Variants in DPP6 observed in about 807,000 individuals in gnomAD.
The protein encoded by DPP6 is dipeptidyl peptidase like 6.
A neutral mutation model predicts 122.6 loss-of-function variants in DPP6; 69 were observed. The observed-to-expected ratio is 0.56, with a 90% CI of 0.46 to 0.69. The LOEUF is 0.69. Among genes scored for constraint, DPP6 ranks in the 30% least tolerant of loss-of-function variants. The pLI is 0.00. For missense variants in DPP6, 928 were observed against 1,116.9 expected (o/e 0.83, Z 2.41); for synonymous variants, 418 against 433.1 (o/e 0.97, Z 0.43).
At chr7:154,045,201 T>TA (rs11381417) in intron 1 of DPP6, among the ~76,000 whole-genome samples, 113,645 of 141,306 alleles carry the variant, frequency 0.8, 44,696 homozygotes, top group East Asian at 0.91. Flanking sequence ...TTAGAAAAGA[T>TA]AAAAAAAAAA....
At chr7:154,619,758 A>T (rs1324904193) in intron 5 of DPP6, among the ~76,000 whole-genome samples, 1 of 152,242 alleles carries the variant, frequency 6.6e-6, no homozygotes, top group Non-Finnish European at 1.5e-5. Context: ...TATACTTAGA[A>T]GTGCGGGTTG....
At chr7:153,962,004 G>T (rs545706522) in intron 1 of DPP6, among the ~76,000 whole-genome samples, 53 of 148,728 alleles carry the variant, frequency 3.6e-4, no homozygotes, top group African/African-American at 1.3e-3. Flanking sequence ...TGGCTGATTT[G>T]TTTACTGTGG....
chr7:154,763,975 G>A (rs1234529442), intron 8 of DPP6, among the ~76,000 whole-genome samples: 1 of 98,530 alleles, frequency 1.0e-5, no homozygotes, highest in Non-Finnish European at 2.4e-5. Context: ...CACTCACCTT[G>A]CACAGACCTG....
intron 3 of DPP6, among the ~76,000 whole-genome samples, chr7:154,488,284 C>T (rs996084779): frequency 5.3e-5 from 8 of 152,032 alleles, no homozygotes; most frequent in South Asian, 4.2e-4. Context: ...GTCAGGAGAT[C>T]GAGACCATCC....
At chr7:154,637,224 T>G (rs560317703) in intron 5 of DPP6, among the ~76,000 whole-genome samples, 1 of 152,304 alleles carries the variant, frequency 6.6e-6, no homozygotes, top group African/African-American at 2.4e-5. Flanking sequence ...TTTTTCTGGT[T>G]TTCTGTTACC....
chr7:153,776,371 G>A, the DPP6 span, among the ~76,000 whole-genome samples: 6 of 152,092 alleles, frequency 3.9e-5, no homozygotes, highest in South Asian at 2.1e-4. Context: ...CTCCTGAGGC[G>A]TGATGGTTTT....
At chr7:153,919,139 T>C (rs369991101) in intron 1 of DPP6, among the ~76,000 whole-genome samples, 1 of 152,164 alleles carries the variant, frequency 6.6e-6, no homozygotes, top group Non-Finnish European at 1.5e-5. Flanking sequence ...CTGGATTTCC[T>C]TGGCCTTATT....
chr7:154,403,323 G>A lies in DPP6; in HGVS notation c.244-42891G>A, dbSNP rs915380627. Among the ~76,000 whole-genome samples, 1 of 152,174 alleles carries A rather than the reference G, an allele frequency of 6.6e-6. No homozygotes were observed. Among genetic ancestry groups the A allele is most frequent in the African/African-American group, 2.4e-5 (1 of 41,436 alleles). On this transcript the variant is annotated intron_variant, in intron 1 of 25. Transcript: ENST00000377770. The surrounding 1 kb of genome is among the most constrained non-coding windows in gnomAD (Gnocchi z 4.1). ...CGGGGGAATCAGGACACCGCCCACC[G>A]CTGTCCAAATGCCAAGTGGCGATTC...
intron 1 of DPP6, among the ~76,000 whole-genome samples, chr7:153,972,340 T>C (rs1274164728): frequency 6.6e-6 from 1 of 151,564 alleles, no homozygotes; most frequent in East Asian, 1.9e-4. Context: ...CTGTTTTGCC[T>C]CACAAACACT....
chr7:153,874,938 C>T, the DPP6 span, among the ~76,000 whole-genome samples: 51 of 151,968 alleles, frequency 3.4e-4, no homozygotes, highest in Non-Finnish European at 5.7e-4. Context: ...AAGGAGAAGA[C>T]GGAGAGAATA....
intron 1 of DPP6, among the ~76,000 whole-genome samples, chr7:154,063,077 T>A (rs1285804698): frequency 3.2e-5 from 4 of 124,726 alleles, no homozygotes; most frequent in Non-Finnish European, 5.2e-5. Context: ...CTGAGAGCTA[T>A]CCCCTCTTCC....
At chr7:154,840,055 C>T (rs1002675241) in intron 16 of DPP6, among the ~76,000 whole-genome samples, 5 of 152,136 alleles carry the variant, frequency 3.3e-5, no homozygotes, top group African/African-American at 1.2e-4. Context: ...CGTGGAACGA[C>T]TTCCATTCAA....
At chr7:154,783,748 G>A (rs1228944005) in intron 10 of DPP6, among the ~76,000 whole-genome samples, 1 of 152,202 alleles carries the variant, frequency 6.6e-6, no homozygotes, top group African/African-American at 2.4e-5. Flanking sequence ...CCTTGGGACA[G>A]AACACACATG....
At chr7:154,812,061 T>G (rs895250229) in intron 16 of DPP6, among the ~76,000 whole-genome samples, 13 of 152,102 alleles carry the variant, frequency 8.5e-5, no homozygotes, top group African/African-American at 3.1e-4. Context: ...GAGGGAAGTG[T>G]AAGTAGTTCA....
chr7:154,493,198 T>A (rs915286790), intron 3 of DPP6, among the ~76,000 whole-genome samples: 1 of 152,182 alleles, frequency 6.6e-6, no homozygotes, highest in Admixed American at 6.5e-5. Context: ...CTCCTTGAAG[T>A]TTATGCTTCA....
intron 1 of DPP6, among the ~76,000 whole-genome samples, chr7:153,906,204 G>T (rs1273706853): frequency 6.6e-6 from 1 of 152,166 alleles, no homozygotes; most frequent in African/African-American, 2.4e-5. Context: ...ATTTTAATTA[G>T]TTTATTCTTA....
intron 6 of DPP6, among the ~76,000 whole-genome samples, chr7:154,645,061 G>GTTT (rs538662916): frequency 3.3e-5 from 4 of 121,842 alleles, no homozygotes; most frequent in African/African-American, 6.3e-5. Context: ...TTATTTGTTG[G>GTTT]TTTTTTTTTT....
intron 1 of DPP6, among the ~76,000 whole-genome samples, chr7:154,385,108 T>A (rs189869912): frequency 9.2e-5 from 14 of 152,296 alleles, no homozygotes; most frequent in African/African-American, 3.4e-4. Flanking sequence ...TAGCTGGGAC[T>A]ACAGGTGCCC....
At chr7:154,622,387 C>T (rs189468186) in intron 5 of DPP6, among the ~76,000 whole-genome samples, 69 of 152,332 alleles carry the variant, frequency 4.5e-4, no homozygotes, top group Non-Finnish European at 7.6e-4. Context: ...ACCCTGCTTG[C>T]TCCTGTTTAC....
Sources: allele counts gnomAD v4.1 joint callset (sites outside exome capture counted in the v4.1 genomes callset), GRCh38; gene constraint gnomAD v4.1.1; non-coding constraint Gnocchi (gnomAD v3.1); transcripts MANE v1.5; gene names NCBI Gene and HGNC (gene_info 2026-07-23, HGNC 2026-07-21).